DPH6: variants seen among roughly 807,000 people sequenced by gnomAD.
DPH6 encodes diphthine--ammonia ligase.
Under a neutral mutation model 38.2 loss-of-function variants are expected in DPH6, and 33 were observed. That is an observed-to-expected ratio of 0.86 (90% CI 0.65 to 1.15). The LOEUF (loss-of-function observed/expected upper bound fraction) is 1.15. DPH6 is among the 50% of genes most tolerant of loss of function. The probability of loss-of-function intolerance (pLI) is 0.00; values close to 1 mark genes in which losing one functional copy is unlikely to be tolerated. For missense variants in DPH6, 325 were observed against 320.0 expected (o/e 1.02, Z -0.12); for synonymous variants, 108 against 103.0 (o/e 1.05, Z -0.30).
At chr15:35,518,123 C>A (rs1214722429) in intron 3 of DPH6, among the ~76,000 whole-genome samples, 1 of 152,030 alleles carries the variant, frequency 6.6e-6, no homozygotes, top group Non-Finnish European at 1.5e-5. Flanking sequence ...ATTAACTGAA[C>A]ATCTTTTATG....
At chr15:35,459,976 G>A (rs1174729921) in intron 3 of DPH6, among the ~76,000 whole-genome samples, 6 of 152,126 alleles carry the variant, frequency 3.9e-5, no homozygotes, top group African/African-American at 1.4e-4. Flanking sequence ...ACCCATTCAA[G>A]TTAACAAAGC....
chr15:35,268,536 A>G (rs1426502296), intron 3 of DPH6, among the ~76,000 whole-genome samples: 3 of 151,928 alleles, frequency 2.0e-5, no homozygotes, highest in Non-Finnish European at 4.4e-5. Context: ...AAAAAAAAAA[A>G]CAATGGGAAA....
At chr15:35,314,566 C>T (rs151079921) in intron 3 of DPH6, among the ~76,000 whole-genome samples, 405 of 152,196 alleles carry the variant, frequency 2.7e-3, no homozygotes, top group Non-Finnish European at 4.7e-3. Flanking sequence ...AGACAAGAGC[C>T]TTGAAGATGA....
At chr15:35,358,678 T>G (rs1195328537) in intron 3 of DPH6, among the ~76,000 whole-genome samples, 1 of 152,224 alleles carries the variant, frequency 6.6e-6, no homozygotes, top group Non-Finnish European at 1.5e-5. Context: ...ACACAGCAAG[T>G]CTACCTGGCT....
chr15:35,374,998 A>C (rs73376783), intron 7 of DPH6, among the ~76,000 whole-genome samples: 3,716 of 152,148 alleles, frequency 0.024, 67 homozygotes, highest in African/African-American at 0.052. Context: ...TCTTACTCTT[A>C]CATTAAATGT....
At chr15:35,169,714 A>G in the DPH6 span, 2 of 152,172 alleles carry the variant, frequency 1.3e-5, no homozygotes, top group East Asian at 3.9e-4. Context: ...ATGTAAAGAT[A>G]ATAATACCAC....
chr15:35,279,586 G>A (rs533991380), intron 3 of DPH6, among the ~76,000 whole-genome samples: 2 of 152,164 alleles, frequency 1.3e-5, no homozygotes, highest in Admixed American at 1.3e-4. Flanking sequence ...GTTTAAAAGA[G>A]TGTGGCACCT....
intron 3 of DPH6, among the ~76,000 whole-genome samples, chr15:35,499,263 T>G (rs1341131993): frequency 1.3e-5 from 2 of 152,306 alleles, no homozygotes; most frequent in East Asian, 3.9e-4. Context: ...TAGAACCAAA[T>G]AAATTATTCT....
chr15:35,199,259 T>C, the DPH6 span, among the ~76,000 whole-genome samples: 2 of 152,174 alleles, frequency 1.3e-5, no homozygotes, highest in Admixed American at 6.5e-5. Context: ...CTTAATGCTC[T>C]AGTTTAAAAA....
intron 3 of DPH6, among the ~76,000 whole-genome samples, chr15:35,477,891 G>T (rs746858867): frequency 6.6e-6 from 1 of 151,830 alleles, no homozygotes; most frequent in Non-Finnish European, 1.5e-5. Context: ...GTAAAAGTTA[G>T]CAGTAAATTA....
At chr15:35,422,831 T>G (rs191944139) in intron 5 of DPH6, among the ~76,000 whole-genome samples, 306 of 152,066 alleles carry the variant, frequency 2.0e-3, no homozygotes, top group African/African-American at 7.1e-3. Flanking sequence ...TTTCTGTATC[T>G]GGTTTATTTT....
chr15:35,520,603 T>C (rs1257271437), intron 3 of DPH6: 1 of 984,376 alleles, frequency 1.0e-6, no homozygotes, highest in Non-Finnish European at 1.2e-6. Context: ...TACCATTTAA[T>C]TTTTTTCCAC....
At chr15:35,177,073 A>C in the DPH6 span, among the ~76,000 whole-genome samples, 1 of 152,310 alleles carries the variant, frequency 6.6e-6, no homozygotes, top group South Asian at 2.1e-4. Context: ...ACTAGGAAAT[A>C]AATAACTGTC....
intron 3 of DPH6, among the ~76,000 whole-genome samples, chr15:35,356,633 T>G (rs566949295): frequency 1.3e-5 from 2 of 152,270 alleles, no homozygotes; most frequent in Non-Finnish European, 2.9e-5. Context: ...TGCCTGATCA[T>G]TCCTCTGCAA....
At chr15:35,542,965 T>TATATATATATATATATATATATAA (rs58422347) in intron 1 of DPH6, among the ~76,000 whole-genome samples, 3,368 of 75,820 alleles carry the variant, frequency 0.044, 486 homozygotes, top group South Asian at 0.075. Context: ...TATATATATA[T>TATATATATATATATATATATATAA]AAAATAATTT....
rs149526687 is a variant in DPH6 at position 35,308,428 on chromosome 15, G to C, written n.200+65093C>G. Among the ~76,000 whole-genome samples, 36 of 151,998 alleles carry C rather than the reference G, an allele frequency of 2.4e-4. No individual in the cohort carries two copies. The East Asian group carries it at 6.6e-3, about 28-fold the overall frequency. On this transcript the variant is annotated intron_variant and non_coding_transcript_variant, in intron 3 of 3. Transcript: ENST00000560386. ...TATTTCCAACCAAAAATAAAATAAA[G>C]TAACCCTCCCAAAACAAGCAAAACA... is the stretch of plus-strand genomic sequence containing the variant.
the DPH6 span, among the ~76,000 whole-genome samples, chr15:35,150,969 A>T: frequency 1.3e-5 from 2 of 152,216 alleles, no homozygotes; most frequent in Non-Finnish European, 2.9e-5. Context: ...CAATGGCTAT[A>T]TCTTTCATAA....
intron 3 of DPH6, among the ~76,000 whole-genome samples, chr15:35,287,744 A>C (rs2051953406): frequency 6.6e-6 from 1 of 152,142 alleles, no homozygotes; most frequent in East Asian, 1.9e-4. Flanking sequence ...TTAGACCCTC[A>C]ACCCACAAAT....
At chr15:35,451,824 C>T (rs1313387635) in intron 4 of DPH6, among the ~76,000 whole-genome samples, 1 of 152,146 alleles carries the variant, frequency 6.6e-6, no homozygotes, top group Non-Finnish European at 1.5e-5. Context: ...TCCTGGCTAA[C>T]ACGGTGAAAC....
Sources: gnomAD v4.1 joint callset for allele counts (sites outside exome capture counted in the v4.1 genomes callset) on GRCh38, gnomAD v4.1.1 for gene constraint, MANE v1.5 for transcripts, NCBI Gene and HGNC (gene_info 2026-07-23, HGNC 2026-07-21) for gene names.